CACNA2D1: variants seen among roughly 807,000 people sequenced by gnomAD.
The protein encoded by CACNA2D1 is voltage-dependent calcium channel subunit alpha-2/delta-1.
Under a neutral mutation model 171.5 loss-of-function variants are expected in CACNA2D1, and 53 were observed. The ratio of observed to expected loss-of-function variants is 0.31; its 90% confidence interval spans 0.25 to 0.39. The LOEUF is 0.39. Among genes scored for constraint, CACNA2D1 ranks in the 10% least tolerant of loss-of-function variants. The probability of loss-of-function intolerance (pLI) is 1.00; values close to 1 mark genes in which losing one functional copy is unlikely to be tolerated. For synonymous variants in CACNA2D1, 442 were observed against 443.1 expected (o/e 1.00, Z 0.03); for missense variants, 903 against 1,299.8 (o/e 0.69, Z 4.69).
At chr7:82,106,336 G>A (rs1168484049) in intron 6 of CACNA2D1, among the ~76,000 whole-genome samples, 3 of 151,672 alleles carry the variant, frequency 2.0e-5, no homozygotes, top group South Asian at 2.1e-4. Context: ...GAACAGTACT[G>A]TCAGCCTGTT....
rs780057040 is a variant in CACNA2D1, at chr7:82,060,539, C to A, written c.780-12G>T. On this transcript the variant is annotated splice_polypyrimidine_tract_variant and intron_variant, in intron 9 of 38. Transcript: ENST00000356860. ...TAACACTTCCACTCCTAGAAATAGA[C>A]AAATGGGTCCATACATGTTACTCAT... The A allele has an allele frequency of 1.4e-6, 2 of 1,479,418 alleles. No individual in the cohort carries two copies. The highest frequency in any genetic ancestry group is 1.1e-5 in the South Asian group (1 of 88,356). 91.6% of individuals were successfully genotyped at this position (1,479,418 alleles called of 1,614,324 possible). A position where few individuals can be genotyped will look rare whatever the true frequency, so the allele number is the denominator to read the frequency against.
chr7:82,247,262 C>A (rs559824025), intron 3 of CACNA2D1, among the ~76,000 whole-genome samples: 1 of 152,210 alleles, frequency 6.6e-6, no homozygotes, highest in Admixed American at 6.5e-5. Context: ...GTAATCCCAG[C>A]ACTTTGGGAG....
chr7:82,263,257 C>T (rs1006666183), intron 3 of CACNA2D1, among the ~76,000 whole-genome samples: 2 of 151,728 alleles, frequency 1.3e-5, no homozygotes, highest in Non-Finnish European at 2.9e-5. Flanking sequence ...TACAGGTGCG[C>T]ACCACCAAGC....
At chr7:82,027,414 C>G (rs1037495388) in intron 12 of CACNA2D1, among the ~76,000 whole-genome samples, 6 of 151,628 alleles carry the variant, frequency 4.0e-5, no homozygotes, top group Non-Finnish European at 5.9e-5. Flanking sequence ...AAATTAATAC[C>G]TACTTGTCAA....
chr7:82,368,071 C>T (rs1653524579), intron 1 of CACNA2D1, among the ~76,000 whole-genome samples: 1 of 152,146 alleles, frequency 6.6e-6, no homozygotes, highest in Admixed American at 6.6e-5. Context: ...GTAATGATCT[C>T]TGGGCTCTGT....
chr7:82,087,850 A>T (rs1810657859), intron 6 of CACNA2D1, among the ~76,000 whole-genome samples: 1 of 152,164 alleles, frequency 6.6e-6, no homozygotes, highest in Non-Finnish European at 1.5e-5. Flanking sequence ...ATAAAAGGGT[A>T]ATCTGTAGAT....
At chr7:82,092,695 T>C (rs1811346172) in intron 6 of CACNA2D1, among the ~76,000 whole-genome samples, 1 of 151,824 alleles carries the variant, frequency 6.6e-6, no homozygotes, top group Admixed American at 6.6e-5. Context: ...GCCCGGCCAC[T>C]TCACAGCCAT....
Position 82,016,473 on chromosome 7 carries a change from T to C in CACNA2D1, c.1144-1994A>G, listed in dbSNP as rs1028897503. The stretch of plus-strand genomic sequence containing the variant: ...ACTTTTCAGTAAAAAAATAAACAAG[T>C]AAGACTATATGAATCTTATATCTAT... On this transcript the variant is annotated intron_variant, in intron 12 of 38. Transcript: ENST00000356860. Among the ~76,000 whole-genome samples the C allele has an allele frequency of 1.2e-4, 18 of 152,122 alleles. No individual in the cohort carries two copies. The South Asian group carries it at 2.1e-3, about 18-fold the overall frequency.
At chr7:82,130,940 G>A (rs1227043399) in intron 5 of CACNA2D1, among the ~76,000 whole-genome samples, 3 of 151,594 alleles carry the variant, frequency 2.0e-5, no homozygotes, top group South Asian at 2.1e-4. Context: ...GAGACTACAG[G>A]CGCCCGCCAT....
At chr7:82,071,092 C>G (rs550210921) in intron 7 of CACNA2D1, among the ~76,000 whole-genome samples, 1 of 152,120 alleles carries the variant, frequency 6.6e-6, no homozygotes, top group Non-Finnish European at 1.5e-5. Context: ...GTGTTACTAA[C>G]GAAACCACAA....
At chr7:82,350,070 G>A (rs953707443) in intron 1 of CACNA2D1, among the ~76,000 whole-genome samples, 5 of 152,106 alleles carry the variant, frequency 3.3e-5, no homozygotes, top group African/African-American at 1.2e-4. Flanking sequence ...CCACCAGCCA[G>A]GTGGAACATT....
At chr7:82,012,569 C>T (rs1378003048) in intron 14 of CACNA2D1, among the ~76,000 whole-genome samples, 1 of 152,080 alleles carries the variant, frequency 6.6e-6, no homozygotes, top group East Asian at 1.9e-4. Context: ...TTAATCTAAA[C>T]TATTTAAGGC....
intron 6 of CACNA2D1, among the ~76,000 whole-genome samples, chr7:82,090,206 A>G (rs1219627005): frequency 1.3e-5 from 2 of 152,276 alleles, no homozygotes; most frequent in African/African-American, 4.8e-5. Flanking sequence ...CATGCTGTAT[A>G]TTAGATCTCC....
intron 3 of CACNA2D1, among the ~76,000 whole-genome samples, chr7:82,211,960 T>A (rs2129226784): frequency 6.6e-6 from 1 of 152,328 alleles, no homozygotes; most frequent in South Asian, 2.1e-4. Flanking sequence ...ATCGTGGTTT[T>A]GTTTGCATTT....
chr7:82,029,774 T>C (rs979921676), intron 12 of CACNA2D1: 1 of 151,774 alleles, frequency 6.6e-6, no homozygotes, highest in Non-Finnish European at 1.5e-5. Context: ...TGTATTACTG[T>C]GTATCACAGA....
intron 34 of CACNA2D1, among the ~76,000 whole-genome samples, chr7:81,962,808 G>GT (rs1794299291): frequency 6.6e-6 from 1 of 151,874 alleles, no homozygotes; most frequent in Non-Finnish European, 1.5e-5. Flanking sequence ...CAGCGCGTAG[G>GT]TTTTCACATT....
At chr7:82,266,200 G>C (rs1305117418) in intron 3 of CACNA2D1, among the ~76,000 whole-genome samples, 1 of 152,050 alleles carries the variant, frequency 6.6e-6, no homozygotes, top group Non-Finnish European at 1.5e-5. Flanking sequence ...ACAATAATTA[G>C]GTGTGTCTTC....
intron 1 of CACNA2D1, among the ~76,000 whole-genome samples, chr7:82,362,632 C>A (rs940012320): frequency 2.0e-5 from 3 of 152,164 alleles, no homozygotes; most frequent in African/African-American, 7.2e-5. Context: ...CATGTATTTT[C>A]CCAAAGCTCT....
chr7:82,271,353 G>A (rs1360989692), intron 3 of CACNA2D1, among the ~76,000 whole-genome samples: 1 of 151,986 alleles, frequency 6.6e-6, no homozygotes, highest in Non-Finnish European at 1.5e-5. Flanking sequence ...CCTACATGCA[G>A]TAAATGAATA....
Sources: allele counts gnomAD v4.1 joint callset (sites outside exome capture counted in the v4.1 genomes callset), GRCh38; gene constraint gnomAD v4.1.1; transcripts MANE v1.5; gene names NCBI Gene and HGNC (gene_info 2026-07-23, HGNC 2026-07-21).